Variants in CTXND1 observed in about 807,000 individuals in gnomAD.
CTXND1 encodes the protein cortexin domain containing 1, also known as cortexin domain-containing 1 protein.
At position 80,195,980 on chromosome 15, in the gene CTXND1, G is replaced by C. The variant is rs2041418205; in HGVS notation, c.*5790C>G. The C allele has an allele frequency of 6.6e-6, 1 of 152,178 alleles. No individual in the cohort carries two copies. Among genetic ancestry groups the C allele is most frequent in the Non-Finnish European group, 1.5e-5 (1 of 68,042 alleles). The allele number at this position is 152,178 out of a possible 1,614,324, so 9.4% of individuals were successfully genotyped here. ...ATGTTGAAATATTGGCAGAGAAAGA[G>C]ATCACTGCACTGTCAGGATGGTTAA... On this transcript the variant is annotated 3_prime_UTR_variant, in exon 3 of 3. Transcript: ENST00000560778.
intron 1 of CTXND1, among the ~76,000 whole-genome samples, chr15:80,249,321 G>A (rs901899013): frequency 1.7e-4 from 26 of 152,284 alleles, no homozygotes; most frequent in African/African-American, 6.0e-4. Context: ...GACAGGGATA[G>A]AATGCCATTT....
rs139662133 is a variant in CTXND1, at chr15:80,238,192, C to T, written c.-218+13815G>A. 5.5e-3 allele frequency among the ~76,000 whole-genome samples: 836 copies of T among 152,224 alleles called. 8 individuals carry two copies. The highest frequency in any genetic ancestry group is 0.019 in the African/African-American group (799 of 41,524). On this transcript the variant is annotated intron_variant, in intron 1 of 2. Transcript: ENST00000560778. ...TGTCCTAGGCCAAACTCACCCACCA[C>T]TCAGTCAATGACTCACCCAGAGCAA...
rs1419802363 is a variant in CTXND1 at position 80,252,178 on chromosome 15, C to T, written c.-389G>A. On this transcript the variant is annotated 5_prime_UTR_variant, in exon 1 of 3. Transcript: ENST00000560778. ...GCAGGAGTCAGAGCCCCCAGCGGCG[C>T]GGGCGAGCCCGGGCCAGCAGCCGAG... 6 of 150,946 alleles carry T rather than the reference C, an allele frequency of 4.0e-5. No homozygotes were observed. The highest frequency in any genetic ancestry group is 5.9e-5 in the Non-Finnish European group (4 of 67,696). 9.4% of individuals were successfully genotyped at this position (150,946 alleles called of 1,614,324 possible).
chr15:80,204,175 T>A (rs868439737), intron 1 of CTXND1, among the ~76,000 whole-genome samples: 10,433 of 27,276 alleles, frequency 0.38, 1,509 homozygotes, highest in Middle Eastern at 0.5. Context: ...AAAAAATATA[T>A]ATATATATAT....
At chr15:80,214,143 T>C (rs79155894) in intron 1 of CTXND1, among the ~76,000 whole-genome samples, 8,740 of 152,134 alleles carry the variant, frequency 0.057, 269 homozygotes, top group Middle Eastern at 0.11. Context: ...TCAATAAAAA[T>C]TAGTGGGAAA....
At chr15:80,206,419 C>T (rs1893147647) in intron 1 of CTXND1, among the ~76,000 whole-genome samples, 1 of 152,240 alleles carries the variant, frequency 6.6e-6, no homozygotes, top group South Asian at 2.1e-4. Flanking sequence ...TTTTTGTGAA[C>T]TCTCTGTTAA....
chr15:80,199,338 T>A lies in CTXND1; in HGVS notation c.*2432A>T, dbSNP rs550638415. 6.6e-6 allele frequency: 1 copy of A among 152,380 alleles called. No individual in the cohort carries two copies. The highest frequency in any genetic ancestry group is 1.5e-5 in the Non-Finnish European group (1 of 68,056). 9.4% of individuals were successfully genotyped at this position (152,380 alleles called of 1,614,324 possible). On this transcript the variant is annotated 3_prime_UTR_variant, in exon 3 of 3. Transcript: ENST00000560778. Reference sequence around the variant, plus strand: ...CCTCAAGTATTGCAGAGGCTGTTTGTCCTTCAACCACAGTTTAAGTTGCAC... The same window carrying A: ...CCTCAAGTATTGCAGAGGCTGTTTGACCTTCAACCACAGTTTAAGTTGCAC...
At chr15:80,214,311 T>C (rs202120037) in intron 1 of CTXND1, among the ~76,000 whole-genome samples, 2 of 152,170 alleles carry the variant, frequency 1.3e-5, no homozygotes, top group East Asian at 3.8e-4. Flanking sequence ...ATATTCAAAA[T>C]TTGAATAATA....
At chr15:80,206,650 G>A (rs1893149987) in intron 1 of CTXND1, among the ~76,000 whole-genome samples, 1 of 151,932 alleles carries the variant, frequency 6.6e-6, no homozygotes, top group Non-Finnish European at 1.5e-5. Flanking sequence ...TTAAATGTGT[G>A]TCAGTTTCTG....
At chr15:80,235,872 A>G (rs1893489348) in intron 1 of CTXND1, among the ~76,000 whole-genome samples, 1 of 151,578 alleles carries the variant, frequency 6.6e-6, no homozygotes, top group Non-Finnish European at 1.5e-5. Flanking sequence ...GGGATACTAA[A>G]TAACTACCTC....
chr15:80,229,612 G>C (rs1893407658), intron 1 of CTXND1, among the ~76,000 whole-genome samples: 1 of 152,168 alleles, frequency 6.6e-6, no homozygotes, highest in Admixed American at 6.5e-5. Flanking sequence ...CTGTGATTTT[G>C]ATACTCTGAT....
At chr15:80,248,673 G>T (rs1893661233) in intron 1 of CTXND1, among the ~76,000 whole-genome samples, 1 of 152,176 alleles carries the variant, frequency 6.6e-6, no homozygotes, top group Non-Finnish European at 1.5e-5. Context: ...TAGAACACAG[G>T]GAGCTCCGTC....
rs894341948 is a variant in CTXND1, at chr15:80,201,815, G to T, written c.135C>A (p.Ser45Arg). The T allele has an allele frequency of 7.5e-6, 3 of 398,726 alleles. No homozygotes were observed. Among genetic ancestry groups the T allele is most frequent in the Non-Finnish European group, 1.3e-5 (3 of 226,222 alleles). 24.7% of individuals were successfully genotyped at this position (398,726 alleles called of 1,614,324 possible). Reference sequence around the variant, plus strand: ...CCTCCCAGGTGGATGTGGGGATGGCGCTGTAAGGGTCCATGATGACCTTGG... The same window carrying T: ...CCTCCCAGGTGGATGTGGGGATGGCTCTGTAAGGGTCCATGATGACCTTGG... ...RCAKVIMDPY[S>R]AIPTSTWEEQ... The change falls in exon 3 of 3, where the codon AGC (serine) becomes AGA (arginine). Residue 45 changes from serine (S) to arginine (R), a missense_variant. By Grantham distance (110) the Ser-to-Arg change is moderately radical. Coordinates refer to ENST00000560778, the MANE Select transcript of CTXND1 (RefSeq NM_001352888.2).
chr15:80,245,992 G>A (rs1893624055), intron 1 of CTXND1, among the ~76,000 whole-genome samples: 1 of 152,154 alleles, frequency 6.6e-6, no homozygotes, highest in East Asian at 1.9e-4. Context: ...AAAACTGGAG[G>A]AAATACTAAC....
intron 1 of CTXND1, among the ~76,000 whole-genome samples, chr15:80,235,378 C>T (rs1017692066): frequency 3.9e-5 from 6 of 152,150 alleles, no homozygotes; most frequent in African/African-American, 1.4e-4. Context: ...ATGCAAGGGC[C>T]GAGGTGCACA....
intron 1 of CTXND1, among the ~76,000 whole-genome samples, chr15:80,225,538 A>G (rs1893362822): frequency 6.6e-6 from 1 of 151,992 alleles, no homozygotes. Context: ...TTTCTCTCAT[A>G]GGTTGTTACT....
At chr15:80,223,812 CAAAA>C (rs5814006) in intron 1 of CTXND1, among the ~76,000 whole-genome samples, 14 of 141,308 alleles carry the variant, frequency 9.9e-5, no homozygotes, top group African/African-American at 3.1e-4. Context: ...GCTTTTTGGC[CAAAA>C]AAAAAAAAAA....
intron 1 of CTXND1, among the ~76,000 whole-genome samples, chr15:80,214,372 G>A (rs1893231123): frequency 6.6e-6 from 1 of 152,122 alleles, no homozygotes; most frequent in South Asian, 2.1e-4. Context: ...AATAGACATT[G>A]TTTTCAAATG....
At chr15:80,218,867 CATATTTTT>C (rs1893282390) in intron 1 of CTXND1, among the ~76,000 whole-genome samples, 1 of 151,766 alleles carries the variant, frequency 6.6e-6, no homozygotes. Context: ...CATTCCTATG[CATATTTTT>C]ATATTTTTAT....
Sources: allele counts gnomAD v4.1 joint callset (sites outside exome capture counted in the v4.1 genomes callset), GRCh38; gene constraint gnomAD v4.1.1; transcripts MANE v1.5; gene names NCBI Gene and HGNC (gene_info 2026-07-23, HGNC 2026-07-21).